RBFOX1: variants seen among roughly 807,000 people sequenced by gnomAD.
RBFOX1 encodes RNA binding protein fox-1 homolog 1.
In RBFOX1, 8 loss-of-function variants were observed where a neutral mutation model predicts 57.7. The observed-to-expected ratio is 0.14, with a 90% CI of 0.08 to 0.25. The LOEUF (loss-of-function observed/expected upper bound fraction) is 0.25, where lower values mean the gene tolerates loss of function less well. Ranked by LOEUF, RBFOX1 falls within the 10% of genes least tolerant of loss-of-function variation. RBFOX1 has a pLI of 1.00. For synonymous variants in RBFOX1, 326 were observed against 222.4 expected (o/e 1.47, Z -4.15); for missense variants, 611 against 548.5 (o/e 1.11, Z -1.14).
chr16:7,041,789 C>A (rs892144738), intron 3 of RBFOX1, among the ~76,000 whole-genome samples: 5 of 152,172 alleles, frequency 3.3e-5, no homozygotes, highest in African/African-American at 7.2e-5. Flanking sequence ...GTGAAAACCT[C>A]CTGTGTCATT....
chr16:7,109,103 G>C (rs11649064), intron 4 of RBFOX1, among the ~76,000 whole-genome samples: 11,026 of 152,158 alleles, frequency 0.072, 604 homozygotes, highest in East Asian at 0.25. Context: ...GATGGAAAAA[G>C]AGCCACCTCT....
intron 5 of RBFOX1, among the ~76,000 whole-genome samples, chr16:7,529,413 G>T (rs533141536): frequency 6.6e-6 from 1 of 152,178 alleles, no homozygotes; most frequent in Non-Finnish European, 1.5e-5. Flanking sequence ...AAAATTACAA[G>T]CGTGATGGTA....
At chr16:5,267,285 C>T (rs2062882976) in intron 1 of RBFOX1, among the ~76,000 whole-genome samples, 1 of 141,058 alleles carries the variant, frequency 7.1e-6, no homozygotes, top group Non-Finnish European at 1.5e-5. Context: ...GTTACAAGGC[C>T]CACACATAAG....
intron 1 of RBFOX1, among the ~76,000 whole-genome samples, chr16:6,160,035 A>G (rs1445805450): frequency 6.6e-6 from 1 of 152,142 alleles, no homozygotes; most frequent in Non-Finnish European, 1.5e-5. Context: ...GATTGTTCTT[A>G]CCTTCAGTGA....
intron 4 of RBFOX1, among the ~76,000 whole-genome samples, chr16:7,498,793 G>T (rs1279581772): frequency 6.6e-6 from 1 of 152,244 alleles, no homozygotes; most frequent in Admixed American, 6.5e-5. Context: ...AGCTGATCTA[G>T]CAAGCTCTTA....
chr16:7,566,816 G>A (rs1328880487), intron 5 of RBFOX1, among the ~76,000 whole-genome samples: 16 of 152,106 alleles, frequency 1.1e-4, no homozygotes, highest in Non-Finnish European at 4.4e-5. Flanking sequence ...ATCCAAGGGT[G>A]TCTATGTATC....
chr16:5,828,891 TA>T (rs1378599919), intron 3 of RBFOX1, among the ~76,000 whole-genome samples: 2 of 152,102 alleles, frequency 1.3e-5, no homozygotes, highest in Non-Finnish European at 2.9e-5. Context: ...GTGAGTAACT[TA>T]AAACAACATC....
intron 2 of RBFOX1, among the ~76,000 whole-genome samples, chr16:5,571,888 T>A (rs985733461): frequency 2.6e-5 from 4 of 152,236 alleles, no homozygotes; most frequent in African/African-American, 9.6e-5. Flanking sequence ...CCAAGGTCCG[T>A]AGCACCAAAG....
intron 4 of RBFOX1, among the ~76,000 whole-genome samples, chr16:5,889,477 T>C (rs2057991398): frequency 6.6e-6 from 1 of 152,218 alleles, no homozygotes; most frequent in Non-Finnish European, 1.5e-5. Context: ...TGATGGGCAT[T>C]TGGGTTGATT....
intron 4 of RBFOX1, among the ~76,000 whole-genome samples, chr16:7,112,381 T>TA (rs1428305242): frequency 2.8e-5 from 4 of 144,148 alleles, no homozygotes; most frequent in African/African-American, 8.3e-5. Context: ...TTTTTGTATT[T>TA]TTTTTTTTTT....
chr16:6,262,515 C>G (rs1002664884), intron 1 of RBFOX1, among the ~76,000 whole-genome samples: 8 of 152,084 alleles, frequency 5.3e-5, no homozygotes, highest in African/African-American at 1.9e-4. Flanking sequence ...TTCACTGCAG[C>G]AGCATCTCAT....
At chr16:6,026,150 G>A (rs558833735) in intron 1 of RBFOX1, among the ~76,000 whole-genome samples, 1 of 152,216 alleles carries the variant, frequency 6.6e-6, no homozygotes, top group Admixed American at 6.5e-5. Context: ...CCATCCCAGG[G>A]GCATCTTATA....
chr16:6,146,326 G>C (rs529202456), intron 1 of RBFOX1, among the ~76,000 whole-genome samples: 1 of 152,266 alleles, frequency 6.6e-6, no homozygotes, highest in Admixed American at 6.5e-5. Flanking sequence ...ATTTTTAGCT[G>C]TTCAATGGGT....
At chr16:6,861,109 G>T (rs373330785) in intron 3 of RBFOX1, among the ~76,000 whole-genome samples, 9 of 152,212 alleles carry the variant, frequency 5.9e-5, no homozygotes, top group East Asian at 3.9e-4. Flanking sequence ...GTTGCAAGCT[G>T]CGGGGTGGAC....
intron 4 of RBFOX1, among the ~76,000 whole-genome samples, chr16:7,323,527 G>T (rs2096572517): frequency 6.6e-6 from 1 of 152,244 alleles, no homozygotes; most frequent in Non-Finnish European, 1.5e-5. Context: ...ATAGTATTGA[G>T]CACAAGGGAG....
intron 2 of RBFOX1, among the ~76,000 whole-genome samples, chr16:6,523,361 G>A (rs1323709634): frequency 6.6e-6 from 1 of 152,254 alleles, no homozygotes; most frequent in Admixed American, 6.5e-5. Flanking sequence ...TTGGTGTGGG[G>A]CTGAGGGGCA....
At position 6,632,734 on chromosome 16, in the gene RBFOX1, A is replaced by C. The variant is rs142818659; in HGVS notation, c.-63-21869A>C. Among the ~76,000 whole-genome samples, 744 of 152,294 alleles carry C rather than the reference A, an allele frequency of 4.9e-3. 10 individuals are homozygous for C. The highest frequency in any genetic ancestry group is 0.016 in the African/African-American group (675 of 41,572). On this transcript the variant is annotated intron_variant, in intron 2 of 15. Transcript: ENST00000550418. ...CTAACCAACCTGGAATTTATTGATA[A>C]AGCTTAAGCAGCCGCAAGGCCTATG...
intron 3 of RBFOX1, among the ~76,000 whole-genome samples, chr16:6,769,633 G>A (rs72766723): frequency 6.6e-6 from 1 of 152,182 alleles, no homozygotes; most frequent in East Asian, 1.9e-4. Flanking sequence ...AATGATGACT[G>A]TTGGCTCTAA....
At chr16:7,609,186 G>A (rs1440931904) in intron 10 of RBFOX1, among the ~76,000 whole-genome samples, 1 of 152,192 alleles carries the variant, frequency 6.6e-6, no homozygotes, top group Non-Finnish European at 1.5e-5. Context: ...ATATCTGAGT[G>A]CATATTTTCA....
Sources: gnomAD v4.1 joint callset for allele counts (sites outside exome capture counted in the v4.1 genomes callset) on GRCh38, gnomAD v4.1.1 for gene constraint, MANE v1.5 for transcripts, NCBI Gene and HGNC (gene_info 2026-07-23, HGNC 2026-07-21) for gene names.